ADAMTS17: variants seen among roughly 807,000 people sequenced by gnomAD.
ADAMTS17 encodes ADAM metallopeptidase with thrombospondin type 1 motif 17.
ADAMTS17 carries 113 observed loss-of-function variants against 141.5 expected under a neutral mutation model. The observed-to-expected ratio is 0.80, with a 90% CI of 0.69 to 0.93. The LOEUF (loss-of-function observed/expected upper bound fraction) is 0.93, where lower values mean the gene tolerates loss of function less well. Among genes scored for constraint, ADAMTS17 ranks in the 40% least tolerant of loss-of-function variants. ADAMTS17 has a pLI of 0.00. For synonymous variants in ADAMTS17, 768 were observed against 630.6 expected, an observed-to-expected ratio of 1.22 and a Z score of -3.27; for missense variants, 1,659 against 1,517.9, an observed-to-expected ratio of 1.09 and a Z score of -1.54.
intron 4 of ADAMTS17, among the ~76,000 whole-genome samples, chr15:100,266,889 G>A (rs2043734172): frequency 6.6e-6 from 1 of 152,056 alleles, no homozygotes; most frequent in Non-Finnish European, 1.5e-5. Flanking sequence ...TGAGACCTCC[G>A]GTGGTCCCTA....
intron 14 of ADAMTS17, 131 bp downstream of exon 14, chr15:100,108,858 C>G: frequency 6.6e-7 from 1 of 1,510,936 alleles, no homozygotes; most frequent in South Asian, 1.1e-5. Context: ...GAGGCGGCAT[C>G]ACTGGGTGCC....
intron 10 of ADAMTS17, among the ~76,000 whole-genome samples, chr15:100,137,952 C>CATT: frequency 6.6e-6 from 1 of 152,218 alleles, no homozygotes. Context: ...CCAATGCCCG[C>CATT]CCTTTCATTC....
chr15:99,976,481 A>C (rs2060333485), intron 20 of ADAMTS17: 3 of 596,976 alleles, frequency 5.0e-6, no homozygotes, highest in Non-Finnish European at 9.0e-6. Context: ...ATGCCCAGGC[A>C]CTTGCAATCA....
At chr15:100,120,222 C>A (rs954026413) in intron 12 of ADAMTS17, among the ~76,000 whole-genome samples, 1 of 152,170 alleles carries the variant, frequency 6.6e-6, no homozygotes, top group South Asian at 2.1e-4. Flanking sequence ...TATTTTGAAA[C>A]TCTGCAGTCT....
intron 7 of ADAMTS17, among the ~76,000 whole-genome samples, chr15:100,210,075 G>C (rs2041744041): frequency 6.6e-6 from 1 of 151,496 alleles, no homozygotes; most frequent in Non-Finnish European, 1.5e-5. Context: ...TCTACTAAAA[G>C]TACAAAAAAT....
chr15:100,205,129 G>C (rs191380499), intron 7 of ADAMTS17, among the ~76,000 whole-genome samples: 1 of 152,096 alleles, frequency 6.6e-6, no homozygotes, highest in Non-Finnish European at 1.5e-5. Context: ...CCTTGGCTTC[G>C]GTTTCCCAGG....
At chr15:100,271,301 G>C (rs1404450307) in intron 4 of ADAMTS17, among the ~76,000 whole-genome samples, 1 of 152,118 alleles carries the variant, frequency 6.6e-6, no homozygotes, top group Non-Finnish European at 1.5e-5. Flanking sequence ...TGGTAATTCT[G>C]TTTCATTGAG....
At chr15:100,262,899 T>A (rs2043579834) in intron 4 of ADAMTS17, among the ~76,000 whole-genome samples, 1 of 152,050 alleles carries the variant, frequency 6.6e-6, no homozygotes, top group Non-Finnish European at 1.5e-5. Context: ...TAACCCAGAT[T>A]TTATTTAAAA....
intron 7 of ADAMTS17, among the ~76,000 whole-genome samples, chr15:100,223,757 C>T (rs201503656): frequency 7.8e-6 from 1 of 128,406 alleles, no homozygotes. Flanking sequence ...TATATATATA[C>T]ACACACACAT....
At chr15:100,125,972 A>T (rs62038605) in intron 12 of ADAMTS17, 20,230 of 152,258 alleles carry the variant, frequency 0.13, 1,491 homozygotes, top group Admixed American at 0.2. Flanking sequence ...CAAGCCTGAG[A>T]CCTACATAGC....
At chr15:100,192,238 C>A (rs1325248787) in intron 8 of ADAMTS17, among the ~76,000 whole-genome samples, 3 of 152,276 alleles carry the variant, frequency 2.0e-5, no homozygotes, top group African/African-American at 7.2e-5. Flanking sequence ...ATGCTTCAAG[C>A]ACCACCAACC....
intron 18 of ADAMTS17, among the ~76,000 whole-genome samples, chr15:100,016,926 C>T (rs1360727370): frequency 6.6e-6 from 1 of 152,132 alleles, no homozygotes; most frequent in Non-Finnish European, 1.5e-5. Context: ...CCCTAGAACC[C>T]TCAAGATTAT....
intron 3 of ADAMTS17, among the ~76,000 whole-genome samples, chr15:100,298,927 TTCAGAG>T (rs2044923426): frequency 6.6e-6 from 1 of 152,166 alleles, no homozygotes; most frequent in African/African-American, 2.4e-5. Flanking sequence ...GGTTGGTTTC[TTCAGAG>T]GGCCACGAGG....
chr15:99,976,776 C>G (rs1308961162), intron 20 of ADAMTS17, among the ~76,000 whole-genome samples: 1 of 152,154 alleles, frequency 6.6e-6, no homozygotes, highest in African/African-American at 2.4e-5. Context: ...GATTCTGATC[C>G]TCCACCTCCA....
intron 7 of ADAMTS17, among the ~76,000 whole-genome samples, chr15:100,213,129 A>G (rs2041861657): frequency 6.6e-6 from 1 of 152,182 alleles, no homozygotes; most frequent in Admixed American, 6.5e-5. Flanking sequence ...CTGTTTGGAC[A>G]AGGCCAATAC....
At chr15:100,023,228 T>G (rs573899588) in intron 18 of ADAMTS17, among the ~76,000 whole-genome samples, 30 of 151,830 alleles carry the variant, frequency 2.0e-4, no homozygotes, top group African/African-American at 6.8e-4. Context: ...TGAGACGGAG[T>G]TTCACTTTTG....
chr15:99,974,186 G>T lies in ADAMTS17; in HGVS notation c.*216C>A. ...AAATTGAAGTTACTTTGTGACTCAT[G>T]CCTACTTTCTCCTCACTGTAGAAAG... is the stretch of plus-strand genomic sequence containing the variant. On this transcript the variant is annotated 3_prime_UTR_variant, in exon 22 of 22. Transcript: ENST00000268070. 1.6e-6 allele frequency: 1 copy of T among 608,278 alleles called. No individual in the cohort carries two copies. The highest frequency in any genetic ancestry group is 2.9e-6 in the Non-Finnish European group (1 of 346,074). The allele number at this position is 608,278 out of a possible 1,614,324, so 37.7% of individuals were successfully genotyped here.
At chr15:100,015,385 C>T (rs2061267883) in intron 18 of ADAMTS17, among the ~76,000 whole-genome samples, 1 of 152,020 alleles carries the variant, frequency 6.6e-6, no homozygotes, top group Non-Finnish European at 1.5e-5. Flanking sequence ...ATTTGTCATG[C>T]TATTTGTTGC....
chr15:100,174,868 C>G (rs1196527580), intron 8 of ADAMTS17, among the ~76,000 whole-genome samples: 1 of 152,158 alleles, frequency 6.6e-6, no homozygotes, highest in Non-Finnish European at 1.5e-5. Context: ...GTCGTTAAGA[C>G]AGGAAAAGGG....
Sources: gnomAD v4.1 joint callset for allele counts (sites outside exome capture counted in the v4.1 genomes callset) on GRCh38, gnomAD v4.1.1 for gene constraint, MANE v1.5 for transcripts, NCBI Gene and HGNC (gene_info 2026-07-23, HGNC 2026-07-21) for gene names.